CALN1: variants seen among roughly 807,000 people sequenced by gnomAD.
CALN1 encodes the protein calcium-binding protein 8.
CALN1 carries 17 observed loss-of-function variants against 30.6 expected under a neutral mutation model. That is an observed-to-expected ratio of 0.56 (90% CI 0.38 to 0.83). The LOEUF (loss-of-function observed/expected upper bound fraction) is 0.83, where lower values mean the gene tolerates loss of function less well. CALN1 is among the 40% of genes least tolerant of loss of function. The pLI, the probability that CALN1 is intolerant of heterozygous loss-of-function variation, is 0.00. For missense variants in CALN1, 291 were observed against 354.9 expected, an observed-to-expected ratio of 0.82 and a Z score of 1.45; for synonymous variants, 156 against 131.4, an observed-to-expected ratio of 1.19 and a Z score of -1.28.
chr7:72,411,541 G>GAAAAGACGTC (rs1483497298), intron 1 of CALN1, among the ~76,000 whole-genome samples: 2 of 152,158 alleles, frequency 1.3e-5, no homozygotes, highest in African/African-American at 4.8e-5. Context: ...TTGTGTCACT[G>GAAAAGACGTC]AAAAGACGTC....
At chr7:71,988,800 G>A (rs1798808749) in intron 5 of CALN1, among the ~76,000 whole-genome samples, 1 of 152,038 alleles carries the variant, frequency 6.6e-6, no homozygotes, top group African/African-American at 2.4e-5. Flanking sequence ...TAGGAGGGAG[G>A]GGACTGGACA....
At chr7:72,427,663 T>G (rs1020606456) in intron 1 of CALN1, among the ~76,000 whole-genome samples, 1 of 151,842 alleles carries the variant, frequency 6.6e-6, no homozygotes, top group African/African-American at 2.4e-5. Context: ...ATTTTTATTT[T>G]TATTTTTATT....
chr7:72,154,851 A>G (rs765570075), intron 3 of CALN1, among the ~76,000 whole-genome samples: 10 of 152,064 alleles, frequency 6.6e-5, no homozygotes, highest in African/African-American at 1.9e-4. Flanking sequence ...TTGGAGACCA[A>G]CTCAACATAA....
chr7:72,200,823 T>C (rs948763238), intron 3 of CALN1, among the ~76,000 whole-genome samples: 4 of 152,230 alleles, frequency 2.6e-5, no homozygotes, highest in African/African-American at 9.6e-5. Flanking sequence ...TGTAGCTATA[T>C]TATACACTGG....
intron 5 of CALN1, among the ~76,000 whole-genome samples, chr7:71,996,968 T>C (rs375369852): frequency 3.3e-4 from 51 of 152,316 alleles, no homozygotes; most frequent in Admixed American, 1.1e-3. Context: ...GGCGCACATC[T>C]ATAATCCCAG....
intron 5 of CALN1, among the ~76,000 whole-genome samples, chr7:71,924,767 A>AT (rs562677863): frequency 6.6e-4 from 101 of 152,008 alleles, no homozygotes; most frequent in African/African-American, 2.4e-3. Flanking sequence ...TATTCTCCTG[A>AT]TTTTTTTCTC....
chr7:72,233,032 T>G (rs948594628), intron 3 of CALN1, among the ~76,000 whole-genome samples: 3 of 152,108 alleles, frequency 2.0e-5, no homozygotes, highest in African/African-American at 7.2e-5. Flanking sequence ...AATATGCATA[T>G]AATTTTATTG....
intron 5 of CALN1, among the ~76,000 whole-genome samples, chr7:71,849,009 G>T (rs573892596): frequency 6.6e-6 from 1 of 152,126 alleles, no homozygotes; most frequent in Non-Finnish European, 1.5e-5. Context: ...TTCCCCATGT[G>T]AGGGTTTTTA....
chr7:72,305,499 A>G (rs1242772879), intron 2 of CALN1, among the ~76,000 whole-genome samples: 1 of 152,212 alleles, frequency 6.6e-6, no homozygotes, highest in African/African-American at 2.4e-5. Context: ...TCCACCATAC[A>G]CTTCTAGCTG....
chr7:71,979,561 G>C lies in CALN1; in HGVS notation c.501+44096C>G, dbSNP rs566023931. 8.5e-5 allele frequency among the ~76,000 whole-genome samples: 13 copies of C among 152,256 alleles called. No individual in the cohort carries two copies. In the South Asian group the frequency reaches 2.7e-3, roughly 32 times the overall value. ...CTCAGGCAGGAATGAGAGGGACAGG[G>C]AGAGGCTGTAAATACAGATGAATCT... is the stretch of plus-strand genomic sequence containing the variant. On this transcript the variant is annotated intron_variant, in intron 5 of 6. Coordinates refer to ENST00000395275, the MANE Select transcript of CALN1 (RefSeq NM_031468.4).
chr7:72,286,043 A>C (rs192984629), intron 2 of CALN1, among the ~76,000 whole-genome samples: 4 of 152,366 alleles, frequency 2.6e-5, no homozygotes, highest in South Asian at 4.1e-4. Flanking sequence ...AGTATGGAAG[A>C]AGCTTTCATA....
At chr7:72,149,175 T>C (rs1355153588) in intron 3 of CALN1, among the ~76,000 whole-genome samples, 1 of 151,532 alleles carries the variant, frequency 6.6e-6, no homozygotes, top group African/African-American at 2.4e-5. Flanking sequence ...CAAATAAACC[T>C]CTATTCTTGG....
intron 3 of CALN1, among the ~76,000 whole-genome samples, chr7:72,165,328 G>A (rs1434577320): frequency 6.6e-6 from 1 of 152,154 alleles, no homozygotes; most frequent in African/African-American, 2.4e-5. Context: ...AGAAGCCGAG[G>A]CGGGCAGATC....
At chr7:71,919,582 C>T (rs117714918) in intron 5 of CALN1, among the ~76,000 whole-genome samples, 2,181 of 152,238 alleles carry the variant, frequency 0.014, 38 homozygotes, top group South Asian at 0.047. Context: ...TATAACAGAA[C>T]AATGTACAAG....
At chr7:72,034,041 A>T (rs1173125633) in intron 4 of CALN1, among the ~76,000 whole-genome samples, 1 of 152,130 alleles carries the variant, frequency 6.6e-6, no homozygotes, top group Non-Finnish European at 1.5e-5. Context: ...TTGCGACACC[A>T]AAGGGACCAT....
chr7:71,987,368 G>A (rs1161181297), intron 5 of CALN1, among the ~76,000 whole-genome samples: 1 of 152,216 alleles, frequency 6.6e-6, no homozygotes, highest in African/African-American at 2.4e-5. Context: ...GGGGCTGTGA[G>A]GACACAGGAG....
chr7:71,890,370 G>A (rs1009862137), intron 5 of CALN1, among the ~76,000 whole-genome samples: 1 of 152,158 alleles, frequency 6.6e-6, no homozygotes, highest in Non-Finnish European at 1.5e-5. Context: ...TGTTTATAAG[G>A]TGTGGGACTA....
At chr7:72,326,813 G>A (rs1033649782) in intron 2 of CALN1, among the ~76,000 whole-genome samples, 1 of 152,124 alleles carries the variant, frequency 6.6e-6, no homozygotes, top group Non-Finnish European at 1.5e-5. Context: ...AAAGGGCTCT[G>A]GGGTGTGAAA....
chr7:72,109,312 A>C (rs1415912426), intron 3 of CALN1, among the ~76,000 whole-genome samples: 2 of 152,166 alleles, frequency 1.3e-5, no homozygotes, highest in Non-Finnish European at 1.5e-5. Flanking sequence ...CAAACCCTGG[A>C]GGCCTCAGTT....
Sources: gnomAD v4.1 joint callset for allele counts (sites outside exome capture counted in the v4.1 genomes callset) on GRCh38, gnomAD v4.1.1 for gene constraint, MANE v1.5 for transcripts, NCBI Gene and HGNC (gene_info 2026-07-23, HGNC 2026-07-21) for gene names.